Variants in SYT6 observed in about 807,000 individuals in gnomAD.
The protein encoded by SYT6 is synaptotagmin-6.
A neutral mutation model predicts 38.4 loss-of-function variants in SYT6; 24 were observed. That is an observed-to-expected ratio of 0.62 (90% CI 0.45 to 0.88). The LOEUF is 0.88. Ranked by LOEUF, SYT6 falls within the 40% of genes least tolerant of loss-of-function variation. The pLI is 0.00. For synonymous variants in SYT6, 265 were observed against 241.9 expected (o/e 1.10, Z -0.89); for missense variants, 611 against 621.0 (o/e 0.98, Z 0.17).
At chr1:114,107,922 CAGGAG>C (rs1676426490) in intron 3 of SYT6, among the ~76,000 whole-genome samples, 1 of 152,240 alleles carries the variant, frequency 6.6e-6, no homozygotes, top group South Asian at 2.1e-4. Context: ...CACCTGCTGT[CAGGAG>C]AGGCTGCCTT....
rs1380596710 is a variant in SYT6 at position 114,091,014 on chromosome 1, T to C, written c.*1120A>G. 4.6e-5 allele frequency: 7 copies of C among 153,064 alleles called. No homozygotes were observed. Among genetic ancestry groups the C allele is most frequent in the Non-Finnish European group, 1.0e-4 (7 of 68,018 alleles). The allele number at this position is 153,064 out of a possible 1,614,324, so 9.5% of individuals were successfully genotyped here. A position where few individuals can be genotyped will look rare whatever the true frequency, so the allele number is the denominator to read the frequency against. On this transcript the variant is annotated 3_prime_UTR_variant, in exon 8 of 8. Coordinates refer to ENST00000610222, the MANE Select transcript of SYT6 (RefSeq NM_001253772.2). Reference sequence around the variant, plus strand: ...TGAAATAGGCTTACGCTGACTCGGTTTCAATCAAAAACATACTCTTCATAG... The same window carrying C: ...TGAAATAGGCTTACGCTGACTCGGTCTCAATCAAAAACATACTCTTCATAG...
At chr1:114,133,346 G>A (rs1020622890) in intron 3 of SYT6, among the ~76,000 whole-genome samples, 1 of 152,236 alleles carries the variant, frequency 6.6e-6, no homozygotes, top group African/African-American at 2.4e-5. Flanking sequence ...GACAGGAATA[G>A]TTGTGTGCGG....
intron 3 of SYT6, among the ~76,000 whole-genome samples, chr1:114,106,643 T>C (rs1001409672): frequency 6.6e-6 from 1 of 152,064 alleles, no homozygotes; most frequent in African/African-American, 2.4e-5. Flanking sequence ...ATATTGTTGG[T>C]CCTTCTTGTC....
At chr1:114,136,730 C>A (rs996017592) in intron 3 of SYT6, among the ~76,000 whole-genome samples, 25 of 152,218 alleles carry the variant, frequency 1.6e-4, no homozygotes, top group African/African-American at 5.3e-4. Flanking sequence ...TGGCCTCCCC[C>A]ATCTCCCATA....
At chr1:114,122,764 A>G (rs1677494765) in intron 3 of SYT6, among the ~76,000 whole-genome samples, 1 of 152,310 alleles carries the variant, frequency 6.6e-6, no homozygotes, top group East Asian at 1.9e-4. Context: ...ACGCCCTTTC[A>G]GCAGGAGTTG....
chr1:114,110,063 C>T (rs1049587270), intron 3 of SYT6, among the ~76,000 whole-genome samples: 2 of 152,194 alleles, frequency 1.3e-5, no homozygotes, highest in Admixed American at 6.5e-5. Context: ...CAAGGGCCAG[C>T]CTTGCCTGCC....
At chr1:114,134,487 G>A (rs1678363199) in intron 3 of SYT6, among the ~76,000 whole-genome samples, 1 of 151,678 alleles carries the variant, frequency 6.6e-6, no homozygotes, top group Non-Finnish European at 1.5e-5. Context: ...TGGGTCACAA[G>A]CCATTCCTGA....
intron 3 of SYT6, among the ~76,000 whole-genome samples, chr1:114,126,899 G>T (rs747005126): frequency 1.2e-3 from 180 of 152,206 alleles, no homozygotes; most frequent in Non-Finnish European, 1.6e-3. Context: ...GGGCAATGGG[G>T]CTGTCTGGAG....
In SYT6 at chr1:114,091,710, A is replaced by G. The variant is rs112900126; in HGVS notation, c.*424T>C. On this transcript the variant is annotated 3_prime_UTR_variant, in exon 8 of 8. Coordinates refer to ENST00000610222, the MANE Select transcript of SYT6 (RefSeq NM_001253772.2). ...CTGTACCTTGTATTTTCTAGAACCA[A>G]CTTCTGGGCTTTCCACCCTTTGTCT... 1.1e-5 allele frequency: 3 copies of G among 261,302 alleles called. No homozygotes were observed. Among genetic ancestry groups the G allele is most frequent in the African/African-American group, 2.2e-5 (1 of 44,716 alleles). The allele number at this position is 261,302 out of a possible 1,614,324, so 16.2% of individuals were successfully genotyped here. A position where few individuals can be genotyped will look rare whatever the true frequency, so the allele number is the denominator to read the frequency against.
intron 3 of SYT6, among the ~76,000 whole-genome samples, chr1:114,122,271 G>T (rs1677451301): frequency 6.6e-6 from 1 of 152,170 alleles, no homozygotes; most frequent in Non-Finnish European, 1.5e-5. Context: ...CACACTTAAG[G>T]TTATTCCTAA....
rs142500087 is a variant in SYT6, at chr1:114,122,481, T to TTG, written c.1071+15012_1071+15013dup. Among the ~76,000 whole-genome samples the TTG allele has an allele frequency of 2.1e-3, 314 of 148,256 alleles. 1 individual carries two copies. Among genetic ancestry groups the TTG allele is most frequent in the African/African-American group, 3.6e-3 (142 of 39,916 alleles). On this transcript the variant is annotated intron_variant, in intron 3 of 7. Transcript: ENST00000610222. ...CGTGTGATGGACACAGCATGTACAT[T>TTG]TGTGTGTGTGTGTGTGTGTGTGTGT...
At chr1:114,147,232 G>A (rs1449420108) in intron 1 of SYT6, among the ~76,000 whole-genome samples, 1 of 152,166 alleles carries the variant, frequency 6.6e-6, no homozygotes, top group Non-Finnish European at 1.5e-5. Context: ...ATACTCATTT[G>A]CTTGCTGCCT....
rs1208756336 is a variant in SYT6, at chr1:114,139,690, T to A, written c.437A>T (p.Gln146Leu). The change falls in exon 2 of 8, where the codon CAG becomes CTG. Residue 146 changes from glutamine to leucine, a missense_variant. Gln to Leu is a moderately radical substitution (Grantham distance 113, BLOSUM62 -2). Coordinates refer to ENST00000610222, the MANE Select transcript of SYT6 (RefSeq NM_001253772.2). ...HTSPDIPAEV[Q>L]MSVKEHIMRH... ...CATGATGTGCTCCTTGACCGACATC[T>A]GCACCTCAGCTGGGATATCTGGGGA... 2.5e-6 allele frequency: 4 copies of A among 1,614,206 alleles called. No homozygotes were observed. The highest frequency in any genetic ancestry group is 3.4e-6 in the Non-Finnish European group (4 of 1,180,040).
At chr1:114,124,172 G>C (rs998237506) in intron 3 of SYT6, among the ~76,000 whole-genome samples, 3 of 152,210 alleles carry the variant, frequency 2.0e-5, no homozygotes, top group African/African-American at 7.2e-5. Flanking sequence ...AATGGCCATA[G>C]CAATTCTTAG....
At chr1:114,130,738 G>C (rs1257680648) in intron 3 of SYT6, among the ~76,000 whole-genome samples, 1 of 152,188 alleles carries the variant, frequency 6.6e-6, no homozygotes. Context: ...GTTGTTCTAG[G>C]ACCCAAGTAT....
At chr1:114,153,521 G>C in intron 1 of SYT6, 89 bp downstream of exon 1, 1 of 565,144 alleles carries the variant, frequency 1.8e-6, no homozygotes, top group Non-Finnish European at 3.2e-6. Context: ...TTCTCTCTAG[G>C]TTCTGGGGCT....
At chr1:114,143,808 C>G (rs967317082) in intron 1 of SYT6, among the ~76,000 whole-genome samples, 1 of 151,682 alleles carries the variant, frequency 6.6e-6, no homozygotes, top group Non-Finnish European at 1.5e-5. Context: ...GCTCTCACTC[C>G]CCCACCCCCA....
At chr1:114,097,917 A>G (rs1463187181) in intron 5 of SYT6, 40 bp from the exon 6 acceptor site, 2 of 1,608,290 alleles carry the variant, frequency 1.2e-6, no homozygotes, top group Admixed American at 1.7e-5. Flanking sequence ...GCTACCAGAC[A>G]TGCCCTCAGA....
At chr1:114,097,534 C>T (rs1242430375) in intron 6 of SYT6, among the ~76,000 whole-genome samples, 193 bp downstream of exon 6, 1 of 152,202 alleles carries the variant, frequency 6.6e-6, no homozygotes, top group Non-Finnish European at 1.5e-5. Context: ...TGCCCAACAC[C>T]AGGGGCTTTG....
Sources: gnomAD v4.1 joint callset for allele counts (sites outside exome capture counted in the v4.1 genomes callset) on GRCh38, gnomAD v4.1.1 for gene constraint, MANE v1.5 for transcripts, NCBI Gene and HGNC (gene_info 2026-07-23, HGNC 2026-07-21) for gene names.